EPC2: variants seen among roughly 807,000 people sequenced by gnomAD.
EPC2 encodes the protein enhancer of polycomb 2.
EPC2 carries 14 observed loss-of-function variants against 92.1 expected under a neutral mutation model. That is an observed-to-expected ratio of 0.15 (90% CI 0.10 to 0.24). The LOEUF (loss-of-function observed/expected upper bound fraction) is 0.24. Among genes scored for constraint, EPC2 ranks in the 10% least tolerant of loss-of-function variants. The probability of loss-of-function intolerance (pLI) is 1.00; values close to 1 mark genes in which losing one functional copy is unlikely to be tolerated. For missense variants in EPC2, 755 were observed against 971.5 expected, an observed-to-expected ratio of 0.78 and a Z score of 2.96; for synonymous variants, 340 against 334.7, an observed-to-expected ratio of 1.02 and a Z score of -0.17.
chr2:148,707,336 A>G (rs1473110197), intron 2 of EPC2, among the ~76,000 whole-genome samples: 1 of 152,228 alleles, frequency 6.6e-6, no homozygotes, highest in Non-Finnish European at 1.5e-5. Flanking sequence ...AGGAGCACCC[A>G]GGTTCATAAA....
At chr2:148,744,989 G>GGCCC (rs1682952853) in intron 3 of EPC2, among the ~76,000 whole-genome samples, 5 of 46,296 alleles carry the variant, frequency 1.1e-4, no homozygotes, top group Non-Finnish European at 9.9e-5. Flanking sequence ...CTATCAGTTT[G>GGCCC]CCCCCCCCCC....
At chr2:148,653,787 TTGG>T (rs1193659015) in intron 1 of EPC2, among the ~76,000 whole-genome samples, 1 of 145,908 alleles carries the variant, frequency 6.9e-6, no homozygotes, top group Non-Finnish European at 1.5e-5. Context: ...TGCTGCTAAT[TTGG>T]TGAAGTTGTT....
intron 5 of EPC2, 86 bp downstream of exon 5, chr2:148,762,016 G>T: frequency 8.7e-7 from 1 of 1,148,220 alleles, no homozygotes; most frequent in Non-Finnish European, 1.2e-6. Flanking sequence ...GGGGGGAACA[G>T]GTTAAGCTTT....
intron 2 of EPC2, among the ~76,000 whole-genome samples, chr2:148,723,350 A>G (rs1682422047): frequency 6.6e-6 from 1 of 152,172 alleles, no homozygotes; most frequent in African/African-American, 2.4e-5. Context: ...GAAAGGTGAT[A>G]CTCACAAAGG....
chr2:148,688,422 G>C (rs1273776871), intron 1 of EPC2, among the ~76,000 whole-genome samples: 3 of 152,164 alleles, frequency 2.0e-5, no homozygotes, highest in South Asian at 4.2e-4. Context: ...TGGGATGGGG[G>C]GAGGGGGGAC....
At chr2:148,750,020 G>C (rs1683058049) in intron 3 of EPC2, among the ~76,000 whole-genome samples, 1 of 152,076 alleles carries the variant, frequency 6.6e-6, no homozygotes, top group African/African-American at 2.4e-5. Flanking sequence ...TATGTAGACA[G>C]AATTGTCTCC....
intron 2 of EPC2, among the ~76,000 whole-genome samples, chr2:148,714,100 C>G (rs916130110): frequency 4.1e-5 from 6 of 148,030 alleles, no homozygotes; most frequent in Non-Finnish European, 9.0e-5. Flanking sequence ...TCGTTCCCCC[C>G]ATCCCCATGT....
chr2:148,686,853 G>A (rs767769957), intron 1 of EPC2, among the ~76,000 whole-genome samples: 43 of 152,144 alleles, frequency 2.8e-4, no homozygotes, highest in African/African-American at 7.7e-4. Flanking sequence ...TAGATTTAGC[G>A]TATTCTTGAG....
At chr2:148,670,847 C>T (rs59142085) in intron 1 of EPC2, among the ~76,000 whole-genome samples, 2,145 of 152,162 alleles carry the variant, frequency 0.014, 51 homozygotes, top group African/African-American at 0.049. Flanking sequence ...GCACGTGCCA[C>T]CTATTTTTGT....
intron 2 of EPC2, among the ~76,000 whole-genome samples, chr2:148,696,639 AC>A (rs1681751312): frequency 6.6e-6 from 1 of 152,148 alleles, no homozygotes; most frequent in Non-Finnish European, 1.5e-5. Context: ...AGCATTTTGA[AC>A]CCTCCTATGG....
At chr2:148,728,354 TTAA>T (rs1334419623) in intron 2 of EPC2, among the ~76,000 whole-genome samples, 2 of 152,190 alleles carry the variant, frequency 1.3e-5, no homozygotes, top group Non-Finnish European at 2.9e-5. Context: ...TTATCCTATA[TTAA>T]TATGTACATA....
intron 2 of EPC2, among the ~76,000 whole-genome samples, chr2:148,709,659 C>T (rs1682089942): frequency 6.6e-6 from 1 of 152,026 alleles, no homozygotes; most frequent in Non-Finnish European, 1.5e-5. Flanking sequence ...TATAAACCAA[C>T]AGAACAGAAC....
chr2:148,644,968 CG>C lies in EPC2; in HGVS notation c.-49del, dbSNP rs1373988927. On this transcript the variant is annotated 5_prime_UTR_variant, in exon 1 of 14. Coordinates refer to ENST00000258484, the MANE Select transcript of EPC2 (RefSeq NM_015630.4). ...GCGGCGGGAGTCCTCCCCCCCTCCC[CG>C]CCCGCCCCGCCGCCGCCGCCCGGGC... is the stretch of plus-strand genomic sequence containing the variant. 2 of 1,516,858 alleles carry C rather than the reference CG, an allele frequency of 1.3e-6. No individual in the cohort carries two copies. The highest frequency in any genetic ancestry group is 1.8e-6 in the Non-Finnish European group (2 of 1,122,716). 94.0% of individuals were successfully genotyped at this position (1,516,858 alleles called of 1,614,324 possible). A position where few individuals can be genotyped will look rare whatever the true frequency, so the allele number is the denominator to read the frequency against.
chr2:148,748,973 G>T lies in EPC2; in HGVS notation c.460-4954G>T, dbSNP rs10164601. On this transcript the variant is annotated intron_variant, in intron 3 of 13. Coordinates refer to ENST00000258484, the MANE Select transcript of EPC2 (RefSeq NM_015630.4). ...ATTAAAAATTCATCTTCTTAAAAAA[G>T]AAAAACTTCATTGGCTTCCACTGTC... 6.2e-3 allele frequency among the ~76,000 whole-genome samples: 940 copies of T among 152,170 alleles called. 12 individuals are homozygous for T. Among genetic ancestry groups the T allele is most frequent in the African/African-American group, 0.02 (817 of 41,532 alleles).
chr2:148,691,614 C>A (rs1328386382), intron 2 of EPC2: 21 of 1,550,248 alleles, frequency 1.4e-5, no homozygotes, highest in Admixed American at 7.8e-5. Flanking sequence ...TCATTTGTTT[C>A]TGCCAGGCAT....
intron 2 of EPC2, among the ~76,000 whole-genome samples, chr2:148,720,697 C>T (rs943807930): frequency 6.6e-6 from 1 of 152,172 alleles, no homozygotes; most frequent in African/African-American, 2.4e-5. Flanking sequence ...TTCCCTGGGT[C>T]GCATAATCAC....
At chr2:148,680,346 C>G (rs1681369403) in intron 1 of EPC2, among the ~76,000 whole-genome samples, 1 of 152,200 alleles carries the variant, frequency 6.6e-6, no homozygotes, top group Non-Finnish European at 1.5e-5. Context: ...AGGTGAGTTT[C>G]TTAATGGCAG....
intron 4 of EPC2, among the ~76,000 whole-genome samples, chr2:148,759,145 T>TGCAGTG (rs1449774940): frequency 1.3e-5 from 2 of 152,190 alleles, no homozygotes; most frequent in African/African-American, 4.8e-5. Context: ...CAGGCTGGAG[T>TGCAGTG]GCAGTGGTGC....
intron 2 of EPC2, among the ~76,000 whole-genome samples, chr2:148,698,694 C>CTTTTTTTTT (rs386355296): frequency 1.1e-5 from 1 of 88,202 alleles, no homozygotes; most frequent in Non-Finnish European, 1.9e-5. Flanking sequence ...AGAAAGTAAG[C>CTTTTTTTTT]TTTTTTTTTT....
Sources: allele counts gnomAD v4.1 joint callset (sites outside exome capture counted in the v4.1 genomes callset), GRCh38; gene constraint gnomAD v4.1.1; transcripts MANE v1.5; gene names NCBI Gene and HGNC (gene_info 2026-07-23, HGNC 2026-07-21).